Variants in B3GALT1 observed in about 807,000 individuals in gnomAD.
The protein encoded by B3GALT1 is beta-1,3-galactosyltransferase 1.
B3GALT1 carries 10 observed loss-of-function variants against 23.2 expected under a neutral mutation model. The observed-to-expected ratio is 0.43, with a 90% CI of 0.27 to 0.73. B3GALT1 has a LOEUF of 0.73. Among genes scored for constraint, B3GALT1 ranks in the 30% least tolerant of loss-of-function variants. The pLI is 0.21. For missense variants in B3GALT1, 299 were observed against 405.4 expected, an observed-to-expected ratio of 0.74 and a Z score of 2.25; for synonymous variants, 156 against 141.5, an observed-to-expected ratio of 1.10 and a Z score of -0.73.
chr2:167,511,056 AT>A (rs1437433308), intron 2 of B3GALT1, among the ~76,000 whole-genome samples: 1 of 152,208 alleles, frequency 6.6e-6, no homozygotes, highest in Non-Finnish European at 1.5e-5. Context: ...AGAAATTTCC[AT>A]TTCAGTAATT....
chr2:167,831,299 A>C (rs950359282), intron 4 of B3GALT1, among the ~76,000 whole-genome samples: 2 of 152,228 alleles, frequency 1.3e-5, no homozygotes, highest in Non-Finnish European at 2.9e-5. Context: ...AATCTCCTTT[A>C]TACGAGGTGC....
At chr2:167,820,785 GAT>G (rs1689089524) in intron 4 of B3GALT1, among the ~76,000 whole-genome samples, 1 of 152,206 alleles carries the variant, frequency 6.6e-6, no homozygotes, top group Non-Finnish European at 1.5e-5. Context: ...AAAATTGAAA[GAT>G]AGCCATTATG....
Position 167,673,123 on chromosome 2 carries a change from A to G in B3GALT1, c.-352+26157A>G, listed in dbSNP as rs13033539. On this transcript the variant is annotated intron_variant, in intron 3 of 4. Transcript: ENST00000392690. ...TAAAATGTGATTCCTATGATAAGGC[A>G]TGGGAGAACGTTATAGAGCATCAAG... is the stretch of plus-strand genomic sequence containing the variant. Among the ~76,000 whole-genome samples the G allele has an allele frequency of 4.0e-3, 605 of 152,238 alleles. 1 individual carries two copies. The highest frequency in any genetic ancestry group is 7.0e-3 in the Non-Finnish European group (474 of 67,974).
At position 167,779,834 on chromosome 2, in the gene B3GALT1, G is replaced by A. The variant is rs537023622; in HGVS notation, c.-351-38838G>A. Among the ~76,000 whole-genome samples the A allele has an allele frequency of 5.9e-5, 9 of 152,282 alleles. No individual in the cohort carries two copies. In the South Asian group the frequency reaches 6.2e-4, roughly 11 times the overall value. ...AACTGTTATTAATTTCAGAGTAATCGCTGAATGATAAGAGTTCTATCCATC... is the reference window on the plus strand; with the variant it reads ...AACTGTTATTAATTTCAGAGTAATCACTGAATGATAAGAGTTCTATCCATC... On this transcript the variant is annotated intron_variant, in intron 3 of 4. Transcript: ENST00000392690.
intron 2 of B3GALT1, among the ~76,000 whole-genome samples, chr2:167,644,195 A>G (rs1685704129): frequency 6.6e-6 from 1 of 152,192 alleles, no homozygotes; most frequent in African/African-American, 2.4e-5. Flanking sequence ...TTGGAAGGGC[A>G]GTTTTGGAGT....
chr2:167,381,191 C>T (rs1697843097), intron 1 of B3GALT1, among the ~76,000 whole-genome samples: 1 of 152,142 alleles, frequency 6.6e-6, no homozygotes, highest in Non-Finnish European at 1.5e-5. Flanking sequence ...CCTCAGCCTT[C>T]TGAGTAGTTG....
rs796424256 is a variant in B3GALT1, at chr2:167,869,937, G to A, written c.898G>A (p.Val300Ile). The A allele has an allele frequency of 6.2e-7, 1 of 1,614,048 alleles. No individual in the cohort carries two copies. Among genetic ancestry groups the A allele is most frequent in the South Asian group, 1.1e-5 (1 of 91,078 alleles). ...CTACAGTTTGTGTAGGTATCGCCGA[G>A]TTATCACTGTGCATCAGATCTCTCC... ...MAYSLCRYRR[V>I]ITVHQISPEE... The change falls in exon 5 of 5, where the codon GTT becomes ATT. Residue 300 changes from valine (V) to isoleucine (I), a missense_variant. Physicochemically the swap from Val to Ile is conservative, Grantham distance 29. This residue lies in a region of B3GALT1 where 133 missense variants were observed against 204.8 expected (regional missense o/e 0.65). Coordinates refer to ENST00000392690, the MANE Select transcript of B3GALT1 (RefSeq NM_020981.4). This position sits in a 1 kb window ranked among gnomAD's most constrained non-coding sequence, Gnocchi z 6.4.
intron 2 of B3GALT1, among the ~76,000 whole-genome samples, chr2:167,539,548 T>A (rs1683499757): frequency 6.6e-6 from 1 of 152,152 alleles, no homozygotes; most frequent in Non-Finnish European, 1.5e-5. Context: ...TACTGATATA[T>A]TTTGTGAGAA....
At chr2:167,517,283 G>C (rs1444321008) in intron 2 of B3GALT1, among the ~76,000 whole-genome samples, 1 of 151,582 alleles carries the variant, frequency 6.6e-6, no homozygotes, top group African/African-American at 2.4e-5. Context: ...TCTCTTTAGG[G>C]CTAAAAGATT....
At chr2:167,539,615 A>C (rs1574126403) in intron 2 of B3GALT1, among the ~76,000 whole-genome samples, 1 of 152,162 alleles carries the variant, frequency 6.6e-6, no homozygotes, top group East Asian at 1.9e-4. Context: ...GGTCACATAA[A>C]CATGCAAAAT....
At chr2:167,848,357 A>G (rs1348250258) in intron 4 of B3GALT1, among the ~76,000 whole-genome samples, 1 of 152,202 alleles carries the variant, frequency 6.6e-6, no homozygotes, top group Non-Finnish European at 1.5e-5. Flanking sequence ...AATACTAGCT[A>G]ACCAAATCCA....
rs370060301 is a variant in B3GALT1 at position 167,575,339 on chromosome 2, A to G, written c.-409-71570A>G. ...ACATTCCTGGTGATATCAGCCCATG[A>G]TTCCAGCCTACCAATTTGCTATAGA... On this transcript the variant is annotated intron_variant, in intron 2 of 4. Coordinates refer to ENST00000392690, the MANE Select transcript of B3GALT1 (RefSeq NM_020981.4). Among the ~76,000 whole-genome samples, 50 of 151,894 alleles carry G rather than the reference A, an allele frequency of 3.3e-4. 1 individual carries two copies. In the East Asian group the frequency reaches 8.7e-3, roughly 26 times the overall value.
rs1446454327 is a variant in B3GALT1, at chr2:167,561,782, A to T, written c.-410+71505A>T. ...AAGAAGTTGAATCTCTGAATAGACCAATAACAGGATCTGAAATTGTGGCAA... is the reference window on the plus strand; with the variant it reads ...AAGAAGTTGAATCTCTGAATAGACCTATAACAGGATCTGAAATTGTGGCAA... On this transcript the variant is annotated intron_variant, in intron 2 of 4. Coordinates refer to ENST00000392690, the MANE Select transcript of B3GALT1 (RefSeq NM_020981.4). Among the ~76,000 whole-genome samples the T allele has an allele frequency of 3.7e-4, 56 of 152,240 alleles. 1 individual carries two copies. The highest frequency in any genetic ancestry group is 3.7e-3 in the Admixed American group (56 of 15,288).
At chr2:167,498,621 A>T (rs1015963750) in intron 2 of B3GALT1, among the ~76,000 whole-genome samples, 4 of 152,180 alleles carry the variant, frequency 2.6e-5, no homozygotes, top group African/African-American at 9.6e-5. Context: ...ATCTTAATGT[A>T]AGAAAAGAGG....
intron 3 of B3GALT1, among the ~76,000 whole-genome samples, chr2:167,749,556 C>A (rs935116176): frequency 6.6e-6 from 1 of 152,098 alleles, no homozygotes; most frequent in African/African-American, 2.4e-5. Flanking sequence ...AATAAGTATC[C>A]TAAAATTTCA....
At chr2:167,429,397 A>C (rs1698674744) in intron 1 of B3GALT1, among the ~76,000 whole-genome samples, 1 of 152,186 alleles carries the variant, frequency 6.6e-6, no homozygotes. Flanking sequence ...AAATTTATTA[A>C]CTGAAAATTT....
chr2:167,752,286 C>T (rs796458705), intron 3 of B3GALT1, among the ~76,000 whole-genome samples: 4 of 152,098 alleles, frequency 2.6e-5, no homozygotes, highest in African/African-American at 9.6e-5. Context: ...ATACTTTTAA[C>T]CTTATATGTA....
At chr2:167,519,361 T>C (rs1476074351) in intron 2 of B3GALT1, among the ~76,000 whole-genome samples, 1 of 152,162 alleles carries the variant, frequency 6.6e-6, no homozygotes, top group Non-Finnish European at 1.5e-5. Context: ...AACTGAGCAA[T>C]ACCAAACTTA....
chr2:167,803,120 A>ACACACACC (rs1369112213), intron 3 of B3GALT1, among the ~76,000 whole-genome samples: 11 of 136,522 alleles, frequency 8.1e-5, no homozygotes, highest in African/African-American at 2.6e-4. Context: ...ACACACACAC[A>ACACACACC]CCCCTTGGTT....
Sources: allele counts gnomAD v4.1 joint callset (sites outside exome capture counted in the v4.1 genomes callset), GRCh38; gene constraint gnomAD v4.1.1; regional missense constraint gnomAD v4.1.1; non-coding constraint Gnocchi (gnomAD v3.1); transcripts MANE v1.5; gene names NCBI Gene and HGNC (gene_info 2026-07-23, HGNC 2026-07-21).